The following TDRD5 variants were observed in gnomAD, a reference collection of about 807,000 sequenced individuals.
TDRD5 encodes tudor domain containing 5, also known as tudor domain-containing protein 5.
TDRD5 carries 41 observed loss-of-function variants against 120.6 expected under a neutral mutation model. That is an observed-to-expected ratio of 0.34 (90% CI 0.26 to 0.44). The LOEUF (loss-of-function observed/expected upper bound fraction) is 0.44. Ranked by LOEUF, TDRD5 falls within the 20% of genes least tolerant of loss-of-function variation. The probability of loss-of-function intolerance (pLI) is 1.00; values close to 1 mark genes in which losing one functional copy is unlikely to be tolerated. For missense variants in TDRD5, 1,006 were observed against 1,221.2 expected (o/e 0.82, Z 2.63); for synonymous variants, 430 against 433.7 (o/e 0.99, Z 0.11).
intron 4 of TDRD5, among the ~76,000 whole-genome samples, chr1:179,615,593 T>A (rs970771583): frequency 6.6e-6 from 1 of 152,140 alleles, no homozygotes; most frequent in Non-Finnish European, 1.5e-5. Context: ...GTTTGATGTA[T>A]AGCATCTGAC....
intron 9 of TDRD5, among the ~76,000 whole-genome samples, chr1:179,638,764 A>T (rs1452053819): frequency 7.8e-6 from 1 of 127,820 alleles, no homozygotes. Context: ...CTATTGAAAG[A>T]CACAACCCAG....
intron 17 of TDRD5, among the ~76,000 whole-genome samples, chr1:179,671,771 A>G (rs543782340): frequency 2.0e-5 from 3 of 152,056 alleles, no homozygotes; most frequent in Non-Finnish European, 4.4e-5. Flanking sequence ...CCAAAGTCCA[A>G]TGTATCATTT....
At chr1:179,645,489 A>G (rs1243182616) in intron 11 of TDRD5, among the ~76,000 whole-genome samples, 2 of 152,234 alleles carry the variant, frequency 1.3e-5, no homozygotes. Flanking sequence ...TTAAATATGC[A>G]GAGGCTGATA....
At chr1:179,655,927 G>A (rs749015356) in intron 14 of TDRD5, among the ~76,000 whole-genome samples, 1 of 152,164 alleles carries the variant, frequency 6.6e-6, no homozygotes, top group Non-Finnish European at 1.5e-5. Flanking sequence ...AAATATTCAT[G>A]TACAGGTTTT....
Position 179,598,662 on chromosome 1 carries a change from G to A in TDRD5, c.831+2844G>A, listed in dbSNP as rs147715885. ...TTAAAATTTCTAATCATTGCTAATA[G>A]AAAATCAATTGGTTTTTTTTTTTTT... is the stretch of plus-strand genomic sequence containing the variant. On this transcript the variant is annotated intron_variant, in intron 4 of 17. Transcript: ENST00000444136. 2.3e-3 allele frequency among the ~76,000 whole-genome samples: 337 copies of A among 149,762 alleles called. 5 individuals are homozygous for A. The highest frequency in any genetic ancestry group is 7.7e-3 in the African/African-American group (317 of 41,024).
At chr1:179,664,449 G>C (rs1455310926) in intron 16 of TDRD5, among the ~76,000 whole-genome samples, 1 of 152,036 alleles carries the variant, frequency 6.6e-6, no homozygotes, top group African/African-American at 2.4e-5. Flanking sequence ...AACCACCCAT[G>C]ACCATTAGCA....
At chr1:179,687,701 G>T (rs1288917129) in intron 17 of TDRD5, among the ~76,000 whole-genome samples, 1 of 151,990 alleles carries the variant, frequency 6.6e-6, no homozygotes, top group South Asian at 2.1e-4. Flanking sequence ...GGTCTCTAAG[G>T]ACTTGCTTTA....
intron 11 of TDRD5, among the ~76,000 whole-genome samples, chr1:179,648,286 T>C (rs971367345): frequency 4.8e-5 from 7 of 146,628 alleles, no homozygotes; most frequent in South Asian, 2.3e-4. Context: ...GATGAGTTCA[T>C]GTCCTTTGTA....
rs375627041 is a variant in TDRD5, at chr1:179,677,223, T to C, written c.2860+7819T>C. Reference sequence around the variant, plus strand: ...TTGTGATTGTTTTTTATTAATGCTTTCTATTTCACTGAAGAATTTTTCTTT... The same window carrying C: ...TTGTGATTGTTTTTTATTAATGCTTCCTATTTCACTGAAGAATTTTTCTTT... On this transcript the variant is annotated intron_variant, in intron 17 of 17. Transcript: ENST00000444136. 2.6e-5 allele frequency among the ~76,000 whole-genome samples: 4 copies of C among 152,128 alleles called. No homozygotes were observed. The East Asian group carries it at 5.8e-4, about 22-fold the overall frequency.
At chr1:179,603,998 G>A (rs1416744994) in intron 4 of TDRD5, among the ~76,000 whole-genome samples, 1 of 152,042 alleles carries the variant, frequency 6.6e-6, no homozygotes, top group African/African-American at 2.4e-5. Flanking sequence ...CTGTGAATCT[G>A]TCTTCTCCTG....
intron 5 of TDRD5, among the ~76,000 whole-genome samples, chr1:179,619,206 G>C (rs915910611): frequency 1.1e-4 from 17 of 152,122 alleles, no homozygotes; most frequent in Non-Finnish European, 2.2e-4. Context: ...TAAAATGCTT[G>C]AACAGATTTA....
chr1:179,664,879 C>T (rs1258841655), intron 16 of TDRD5, among the ~76,000 whole-genome samples: 2 of 152,052 alleles, frequency 1.3e-5, no homozygotes, highest in African/African-American at 2.4e-5. Flanking sequence ...GGCATACTGT[C>T]ATTCAAAGTG....
chr1:179,633,480 T>C (rs1438726625), intron 7 of TDRD5, among the ~76,000 whole-genome samples: 1 of 151,912 alleles, frequency 6.6e-6, no homozygotes, highest in Non-Finnish European at 1.5e-5. Flanking sequence ...GCCTCCCAAG[T>C]AGCTGGGACT....
Position 179,663,266 on chromosome 1 carries a change from G to A in TDRD5, c.2506-82G>A, listed in dbSNP as rs1256692831. On this transcript the variant is annotated intron_variant, in intron 15 of 17. Coordinates refer to ENST00000444136, the MANE Select transcript of TDRD5 (RefSeq NM_001199085.3). ...TTTTAAAAATATGTATTGCTTTCTT[G>A]CATTTATCTTGCCCAAGTTATCCTC... The A allele has an allele frequency of 7.6e-6, 11 of 1,445,356 alleles. No individual in the cohort carries two copies. In the East Asian group the frequency reaches 2.1e-4, roughly 27 times the overall value. The allele number at this position is 1,445,356 out of a possible 1,614,324, so 89.5% of individuals were successfully genotyped here.
Position 179,691,222 on chromosome 1 carries a change from T to C in TDRD5, c.*279T>C. 3.7e-6 allele frequency: 1 copy of C among 270,410 alleles called. No individual in the cohort carries two copies. Among genetic ancestry groups the C allele is most frequent in the Non-Finnish European group, 7.0e-6 (1 of 142,628 alleles). The allele number at this position is 270,410 out of a possible 1,614,324, so 16.8% of individuals were successfully genotyped here. On this transcript the variant is annotated 3_prime_UTR_variant, in exon 18 of 18. Transcript: ENST00000444136. ...TTTAAAGGAATTTGTTTTTTTGTGT[T>C]TGTTTTTCTTGTACATTATCATGAC... is the stretch of plus-strand genomic sequence containing the variant.
At chr1:179,648,978 G>T (rs4471227) in intron 11 of TDRD5, among the ~76,000 whole-genome samples, 111,935 of 151,930 alleles carry the variant, frequency 0.74, 41,436 homozygotes, top group East Asian at 0.88. Context: ...TAGAAACATG[G>T]ATTTACTAAG....
At chr1:179,594,339 C>A (rs1170284555) in intron 3 of TDRD5, among the ~76,000 whole-genome samples, 3 of 152,200 alleles carry the variant, frequency 2.0e-5, no homozygotes, top group Non-Finnish European at 4.4e-5. Flanking sequence ...GTAATAATAA[C>A]CACCTTATCT....
intron 17 of TDRD5, among the ~76,000 whole-genome samples, chr1:179,674,937 CTTAG>C (rs1046611138): frequency 3.9e-5 from 6 of 152,098 alleles, no homozygotes; most frequent in Non-Finnish European, 7.4e-5. Context: ...CTCTTCTTTT[CTTAG>C]TTAATCTCAC....
At chr1:179,687,581 CAA>C (rs1680796397) in intron 17 of TDRD5, among the ~76,000 whole-genome samples, 1 of 152,188 alleles carries the variant, frequency 6.6e-6, no homozygotes, top group African/African-American at 2.4e-5. Flanking sequence ...GAGCTGAGTT[CAA>C]TTCCTGGATA....
Sources: gnomAD v4.1 joint callset for allele counts (sites outside exome capture counted in the v4.1 genomes callset) on GRCh38, gnomAD v4.1.1 for gene constraint, MANE v1.5 for transcripts, NCBI Gene and HGNC (gene_info 2026-07-23, HGNC 2026-07-21) for gene names.